The following SPEF2 variants were observed in gnomAD, a reference collection of about 807,000 sequenced individuals.
SPEF2 encodes sperm flagellar and cilia associated 2, also known as sperm flagella and cilia-associated protein 2.
SPEF2 carries 187 observed loss-of-function variants against 224.6 expected under a neutral mutation model. The ratio of observed to expected loss-of-function variants is 0.83; its 90% CI spans 0.74 to 0.94. SPEF2 has a LOEUF of 0.94. SPEF2 is among the 40% of genes least tolerant of loss of function. SPEF2 has a pLI of 0.00. For missense variants in SPEF2, 2,170 were observed against 2,135.6 expected (o/e 1.02, Z -0.32); for synonymous variants, 715 against 707.3 (o/e 1.01, Z -0.17).
intron 30 of SPEF2, among the ~76,000 whole-genome samples, chr5:35,787,137 C>T (rs1168106296): frequency 6.6e-6 from 1 of 151,980 alleles, no homozygotes; most frequent in East Asian, 1.9e-4. Context: ...AATATATGTC[C>T]CCTTGTGTGA....
chr5:35,806,752 G>A lies in SPEF2; in HGVS notation c.5056G>A (p.Glu1686Lys), dbSNP rs766250986. The A allele has an allele frequency of 1.2e-6, 2 of 1,613,878 alleles. No individual in the cohort carries two copies. Among genetic ancestry groups the A allele is most frequent in the African/African-American group, 1.3e-5 (1 of 74,886 alleles). Reference sequence around the variant, plus strand: ...TCCAGCTGAGGAATTTCCTGAACCTGAGGAAAATGCTGCAAGAGAAGAAAG... The same window carrying A: ...TCCAGCTGAGGAATTTCCTGAACCTAAGGAAAATGCTGCAAGAGAAGAAAG... ...AGPAEEFPEP[E>K]ENAAREERKL... Residue 1686 changes from glutamate to lysine, a missense_variant, in exon 35 of 37, where the codon GAG (glutamate) becomes AAG (lysine). Transcript: ENST00000356031.
At chr5:35,710,536 G>C (rs189766641) in intron 19 of SPEF2, 3 of 970,010 alleles carry the variant, frequency 3.1e-6, no homozygotes, top group Non-Finnish European at 1.2e-6. Context: ...TAGCCTGGGG[G>C]ATAGAGTGAA....
chr5:35,673,878 A>G (rs1751527175), intron 10 of SPEF2, among the ~76,000 whole-genome samples: 1 of 152,156 alleles, frequency 6.6e-6, no homozygotes, highest in South Asian at 2.1e-4. Context: ...ACATGTATGG[A>G]CACCTATCCC....
At chr5:35,742,691 T>C (rs996869252) in intron 23 of SPEF2, among the ~76,000 whole-genome samples, 2 of 152,028 alleles carry the variant, frequency 1.3e-5, no homozygotes, top group Non-Finnish European at 2.9e-5. Flanking sequence ...TTGTGATTTC[T>C]GCCCCTTTTT....
intron 26 of SPEF2, among the ~76,000 whole-genome samples, chr5:35,769,995 G>A (rs1306189987): frequency 0.037 from 5,026 of 134,982 alleles, 261 homozygotes; most frequent in African/African-American, 0.12. Context: ...CATAATGTGT[G>A]TGTGTGTGTG....
intron 36 of SPEF2, chr5:35,807,530 C>T: frequency 9.3e-7 from 1 of 1,079,774 alleles, no homozygotes; most frequent in Non-Finnish European, 1.4e-6. Context: ...TGACCCTAGC[C>T]TGTGATTGAA....
chr5:35,808,881 C>CATATATATATATAT (rs34389759), intron 36 of SPEF2, among the ~76,000 whole-genome samples: 248 of 143,326 alleles, frequency 1.7e-3, no homozygotes, highest in South Asian at 3.3e-3. Context: ...TTGGGTTTTA[C>CATATATATATATAT]ATATATATAT....
chr5:35,754,289 G>A (rs1750125819), intron 24 of SPEF2, among the ~76,000 whole-genome samples: 1 of 152,186 alleles, frequency 6.6e-6, no homozygotes, highest in Admixed American at 6.5e-5. Flanking sequence ...TTAGAAGACA[G>A]GTGCTGATTT....
At chr5:35,745,442 A>T (rs1367599451) in intron 23 of SPEF2, among the ~76,000 whole-genome samples, 1 of 151,890 alleles carries the variant, frequency 6.6e-6, no homozygotes, top group Admixed American at 6.6e-5. Context: ...AGCCCATCTC[A>T]CCCACTGCCT....
chr5:35,633,211 A>G (rs1471615312), intron 2 of SPEF2, among the ~76,000 whole-genome samples: 18 of 152,076 alleles, frequency 1.2e-4, no homozygotes. Context: ...TAGTTGCTGT[A>G]TCCATTATTG....
At chr5:35,717,739 A>G (rs1217570010) in intron 20 of SPEF2, among the ~76,000 whole-genome samples, 2 of 152,158 alleles carry the variant, frequency 1.3e-5, no homozygotes, top group Non-Finnish European at 2.9e-5. Flanking sequence ...ACCGCAAATG[A>G]TGTGAACTTC....
chr5:35,790,192 C>T, intron 30 of SPEF2: 1 of 696,068 alleles, frequency 1.4e-6, no homozygotes, highest in South Asian at 1.5e-5. Flanking sequence ...CATATGCATG[C>T]AAAAATCAAG....
chr5:35,776,211 A>C (rs572638364), intron 28 of SPEF2, 46 bp from the exon 29 acceptor site: 4 of 1,566,152 alleles, frequency 2.6e-6, no homozygotes, highest in South Asian at 2.4e-5. Flanking sequence ...TAGTAAATGC[A>C]TGCACTGCAA....
intron 2 of SPEF2, among the ~76,000 whole-genome samples, chr5:35,629,748 C>G (rs1405750117): frequency 6.6e-6 from 1 of 152,130 alleles, no homozygotes; most frequent in Non-Finnish European, 1.5e-5. Context: ...TTTTCTGTCT[C>G]TATGGATTTG....
intron 2 of SPEF2, among the ~76,000 whole-genome samples, chr5:35,637,500 G>C (rs1316038697): frequency 6.6e-6 from 1 of 152,158 alleles, no homozygotes; most frequent in Non-Finnish European, 1.5e-5. Context: ...AAGAACCTCT[G>C]ATATTTCCAT....
intron 10 of SPEF2, among the ~76,000 whole-genome samples, chr5:35,689,266 T>TGGTATAGTATATA (rs1754093227): frequency 6.6e-6 from 1 of 152,188 alleles, no homozygotes; most frequent in Non-Finnish European, 1.5e-5. Flanking sequence ...CAGTTATAAA[T>TGGTATAGTATATA]CCAAATTTAT....
At chr5:35,620,029 G>A (rs1350846813) in intron 1 of SPEF2, among the ~76,000 whole-genome samples, 2 of 152,072 alleles carry the variant, frequency 1.3e-5, no homozygotes, top group African/African-American at 2.4e-5. Flanking sequence ...CTAGCAAAAC[G>A]TATTAATTTT....
chr5:35,744,141 G>A (rs934802718), intron 23 of SPEF2, among the ~76,000 whole-genome samples: 3 of 152,120 alleles, frequency 2.0e-5, no homozygotes, highest in South Asian at 2.1e-4. Flanking sequence ...TTTTTGTGTC[G>A]TTTTGTTTTA....
At chr5:35,720,619 G>A (rs973162742) in intron 20 of SPEF2, among the ~76,000 whole-genome samples, 2 of 152,046 alleles carry the variant, frequency 1.3e-5, no homozygotes, top group Non-Finnish European at 2.9e-5. Context: ...TTTTCTCCAC[G>A]GTTTTCAATA....
Sources: allele counts gnomAD v4.1 joint callset (sites outside exome capture counted in the v4.1 genomes callset), GRCh38; gene constraint gnomAD v4.1.1; transcripts MANE v1.5; gene names NCBI Gene and HGNC (gene_info 2026-07-23, HGNC 2026-07-21).